STON2: variants seen among roughly 807,000 people sequenced by gnomAD.
STON2 encodes stonin 2.
A neutral mutation model predicts 65.7 loss-of-function variants in STON2; 29 were observed. That is an observed-to-expected ratio of 0.44 (90% CI 0.33 to 0.60). The LOEUF (loss-of-function observed/expected upper bound fraction) is 0.60, where lower values mean the gene tolerates loss of function less well. Ranked by LOEUF, STON2 falls within the 20% of genes least tolerant of loss-of-function variation. STON2 has a pLI of 0.03. For missense variants in STON2, 1,054 were observed against 1,118.1 expected (o/e 0.94, Z 0.82); for synonymous variants, 404 against 414.2 (o/e 0.98, Z 0.30).
chr14:81,303,726 G>T (rs1896060788), intron 5 of STON2, among the ~76,000 whole-genome samples: 1 of 152,142 alleles, frequency 6.6e-6, no homozygotes, highest in Admixed American at 6.5e-5. Context: ...GACAACCCAA[G>T]GGGAGGTATA....
chr14:81,389,467 A>C (rs1899975649), intron 3 of STON2, among the ~76,000 whole-genome samples: 1 of 152,236 alleles, frequency 6.6e-6, no homozygotes, highest in Non-Finnish European at 1.5e-5. Context: ...AATAGATCTA[A>C]CATCTGACTG....
chr14:81,274,678 G>A (rs1391536446), intron 6 of STON2, among the ~76,000 whole-genome samples: 1 of 152,086 alleles, frequency 6.6e-6, no homozygotes, highest in Non-Finnish European at 1.5e-5. Context: ...CCTCAGACCT[G>A]TAATCCCAGC....
intron 4 of STON2, among the ~76,000 whole-genome samples, chr14:81,329,768 A>C (rs886780758): frequency 3.9e-5 from 6 of 152,114 alleles, no homozygotes; most frequent in African/African-American, 1.4e-4. Flanking sequence ...TTTAGTGGGA[A>C]AGAGAGAGAA....
Position 81,353,715 on chromosome 14 carries a change from C to T in STON2, c.571+17273G>A, listed in dbSNP as rs556749045. ...TCTCAAACACTTCCCAGTAAGCCCACGGTCATTTCACACCTCCACCAAGAC... is the reference window on the plus strand; with the variant it reads ...TCTCAAACACTTCCCAGTAAGCCCATGGTCATTTCACACCTCCACCAAGAC... On this transcript the variant is annotated intron_variant, in intron 4 of 7. Transcript: ENST00000614646. 3.9e-5 allele frequency among the ~76,000 whole-genome samples: 6 copies of T among 152,266 alleles called. No individual in the cohort carries two copies. In the South Asian group the frequency reaches 1.0e-3, roughly 26 times the overall value.
At chr14:81,295,442 T>C (rs768774575) in intron 5 of STON2, among the ~76,000 whole-genome samples, 2 of 152,264 alleles carry the variant, frequency 1.3e-5, no homozygotes, top group Admixed American at 6.5e-5. Flanking sequence ...TGGATCTGCG[T>C]TGAGAGTCTT....
At chr14:81,357,097 T>A in intron 4 of STON2, among the ~76,000 whole-genome samples, 1 of 151,998 alleles carries the variant, frequency 6.6e-6, no homozygotes, top group East Asian at 1.9e-4. Flanking sequence ...GAAACTACCA[T>A]CAGAGTGAAC....
At chr14:81,306,105 T>C (rs1419973482) in intron 5 of STON2, among the ~76,000 whole-genome samples, 1 of 151,210 alleles carries the variant, frequency 6.6e-6, no homozygotes, top group Non-Finnish European at 1.5e-5. Flanking sequence ...ACACTCTCCT[T>C]TTTAATTTTT....
intron 3 of STON2, among the ~76,000 whole-genome samples, chr14:81,392,412 C>T (rs2140427486): frequency 6.6e-6 from 1 of 152,168 alleles, no homozygotes; most frequent in East Asian, 1.9e-4. Flanking sequence ...TCCTTTTCAC[C>T]CAATAAAGCC....
At chr14:81,353,585 C>T (rs1372393163) in intron 4 of STON2, among the ~76,000 whole-genome samples, 1 of 152,206 alleles carries the variant, frequency 6.6e-6, no homozygotes, top group Non-Finnish European at 1.5e-5. Context: ...TCCTCCCCTT[C>T]CCCCACAAGT....
intron 3 of STON2, among the ~76,000 whole-genome samples, chr14:81,380,337 T>C (rs1899454395): frequency 6.6e-6 from 1 of 152,084 alleles, no homozygotes; most frequent in African/African-American, 2.4e-5. Flanking sequence ...AGTCAAAAAA[T>C]AATAGATGCT....
chr14:81,341,462 T>G (rs1274283648), intron 4 of STON2, among the ~76,000 whole-genome samples: 1 of 146,382 alleles, frequency 6.8e-6, no homozygotes, highest in Non-Finnish European at 1.5e-5. Flanking sequence ...TTTTTGTTTT[T>G]TTTTTTTCCC....
chr14:81,352,623 T>C (rs7151956), intron 4 of STON2, among the ~76,000 whole-genome samples: 4,548 of 152,258 alleles, frequency 0.03, 240 homozygotes, highest in African/African-American at 0.1. Flanking sequence ...CTGGATGTCA[T>C]TCTTAATTTT....
intron 5 of STON2, among the ~76,000 whole-genome samples, chr14:81,310,764 C>T (rs1469197484): frequency 6.6e-6 from 1 of 152,202 alleles, no homozygotes; most frequent in Non-Finnish European, 1.5e-5. Context: ...TGTTTCCTCT[C>T]CCCATGCCCT....
Position 81,277,931 on chromosome 14 carries a change from C to A in STON2, c.1551G>T (p.Gln517His). The change falls in exon 6 of 8, where the codon CAG becomes CAT. Residue 517 changes from glutamine to histidine, a missense_variant. Gln to His is a conservative substitution (Grantham distance 24, BLOSUM62 0). Transcript: ENST00000614646. ...FVKLTDTGYLQLYYEQGLEKP... is the reference protein window; with the variant it reads ...FVKLTDTGYLHLYYEQGLEKP... The stretch of plus-strand genomic sequence containing the variant: ...TTTCTAGGCCCTGCTCATAATACAG[C>A]TGCAGGTAACCAGTGTCTGTCAGTT... 3.7e-6 allele frequency: 6 copies of A among 1,614,204 alleles called. No homozygotes were observed. Among genetic ancestry groups the A allele is most frequent in the Non-Finnish European group, 5.1e-6 (6 of 1,180,044 alleles).
chr14:81,285,631 A>AAAT (rs1306706676), intron 5 of STON2, among the ~76,000 whole-genome samples: 1 of 152,204 alleles, frequency 6.6e-6, no homozygotes, highest in East Asian at 1.9e-4. Flanking sequence ...ATGGATGAGA[A>AAAT]AATAAAGTAT....
chr14:81,262,062 G>A lies in STON2; in HGVS notation c.*6352C>T. The A allele has an allele frequency of 1.5e-6, 2 of 1,301,404 alleles. No individual in the cohort carries two copies. The highest frequency in any genetic ancestry group is 5.1e-5 in the South Asian group (2 of 39,388). 80.6% of individuals were successfully genotyped at this position (1,301,404 alleles called of 1,614,324 possible). On this transcript the variant is annotated 3_prime_UTR_variant, in exon 8 of 8. Coordinates refer to ENST00000614646, the MANE Select transcript of STON2 (RefSeq NM_001394390.1). ...ATAAACATAGGAAGAGTCACTGAAA[G>A]GTGGCACCAATGGATATTTTGTAAA...
intron 4 of STON2, among the ~76,000 whole-genome samples, chr14:81,346,862 T>C (rs1322035015): frequency 6.6e-6 from 1 of 152,072 alleles, no homozygotes; most frequent in Non-Finnish European, 1.5e-5. Flanking sequence ...AACGAAAACA[T>C]TTGTTGAAAC....
chr14:81,335,518 T>C (rs1897337432), intron 4 of STON2, among the ~76,000 whole-genome samples: 1 of 152,140 alleles, frequency 6.6e-6, no homozygotes, highest in African/African-American at 2.4e-5. Context: ...CAAGAGTTAT[T>C]GTTTTTCTTT....
Position 81,266,102 on chromosome 14 carries a change from G to C in STON2, c.*2312C>G. On this transcript the variant is annotated 3_prime_UTR_variant, in exon 8 of 8. Coordinates refer to ENST00000614646, the MANE Select transcript of STON2 (RefSeq NM_001394390.1). ...ACTTATGAAGAAAAAGACAAATGAA[G>C]TTAGAGAGTCTTATTACTATTGAGA... 8 of 984,900 alleles carry C rather than the reference G, an allele frequency of 8.1e-6. No homozygotes were observed. Among genetic ancestry groups the C allele is most frequent in the Non-Finnish European group, 9.6e-6 (8 of 829,454 alleles). The allele number at this position is 984,900 out of a possible 1,614,324, so 61.0% of individuals were successfully genotyped here.
Sources: allele counts gnomAD v4.1 joint callset (sites outside exome capture counted in the v4.1 genomes callset), GRCh38; gene constraint gnomAD v4.1.1; transcripts MANE v1.5; gene names NCBI Gene and HGNC (gene_info 2026-07-23, HGNC 2026-07-21).